Variants in PHF14 observed in about 807,000 individuals in gnomAD.
PHF14 encodes the protein PHD finger protein 14.
A neutral mutation model predicts 117.9 loss-of-function variants in PHF14; 55 were observed. That is an observed-to-expected ratio of 0.47 (90% CI 0.38 to 0.58). The LOEUF (loss-of-function observed/expected upper bound fraction) is 0.58, where lower values mean the gene tolerates loss of function less well. Among genes scored for constraint, PHF14 ranks in the 20% least tolerant of loss-of-function variants. The pLI is 0.00. For missense variants in PHF14, 978 were observed against 1,122.2 expected, an observed-to-expected ratio of 0.87 and a Z score of 1.84; for synonymous variants, 409 against 368.6, an observed-to-expected ratio of 1.11 and a Z score of -1.26.
chr7:11,072,246 T>C (rs1382551499), intron 16 of PHF14, among the ~76,000 whole-genome samples: 1 of 152,094 alleles, frequency 6.6e-6, no homozygotes, highest in East Asian at 1.9e-4. Flanking sequence ...GAGAGAGATG[T>C]GAGAGATGCT....
intron 4 of PHF14, among the ~76,000 whole-genome samples, chr7:11,003,848 T>C (rs1782969567): frequency 6.6e-6 from 1 of 152,254 alleles, no homozygotes; most frequent in East Asian, 1.9e-4. Context: ...CAATTTGGTA[T>C]GTATCTACCC....
At chr7:11,085,674 C>T (rs572877275) in intron 16 of PHF14, among the ~76,000 whole-genome samples, 9 of 152,022 alleles carry the variant, frequency 5.9e-5, no homozygotes, top group African/African-American at 2.2e-4. Context: ...GACAGTGTCT[C>T]ACTGTGTTAC....
chr7:11,049,720 T>C (rs1318224888), intron 13 of PHF14, among the ~76,000 whole-genome samples: 2 of 152,190 alleles, frequency 1.3e-5, no homozygotes, highest in Non-Finnish European at 2.9e-5. Context: ...GCTAATAAAG[T>C]CAGAATATAC....
intron 4 of PHF14, among the ~76,000 whole-genome samples, chr7:11,001,571 G>C (rs1034868699): frequency 5.7e-5 from 8 of 139,502 alleles, no homozygotes; most frequent in African/African-American, 2.2e-4. Flanking sequence ...TCTTTCATCA[G>C]AGTTTTGCAG....
At chr7:11,057,679 A>G (rs1216855413) in intron 14 of PHF14, among the ~76,000 whole-genome samples, 1 of 152,122 alleles carries the variant, frequency 6.6e-6, no homozygotes, top group Non-Finnish European at 1.5e-5. Flanking sequence ...CGGCCTGAAT[A>G]AACTATTTAA....
At chr7:10,996,565 C>T (rs1412106970) in intron 4 of PHF14, among the ~76,000 whole-genome samples, 1 of 151,898 alleles carries the variant, frequency 6.6e-6, no homozygotes, top group East Asian at 1.9e-4. Context: ...TTCAAGTACA[C>T]CACCAGGCAA....
At chr7:11,029,106 A>G (rs990699167) in intron 7 of PHF14, among the ~76,000 whole-genome samples, 3 of 151,830 alleles carry the variant, frequency 2.0e-5, no homozygotes, top group African/African-American at 4.8e-5. Context: ...AGCCCCATGA[A>G]TTATAGTTAA....
At chr7:11,134,134 T>C (rs1445903472) in intron 17 of PHF14, among the ~76,000 whole-genome samples, 1 of 151,954 alleles carries the variant, frequency 6.6e-6, no homozygotes, top group Non-Finnish European at 1.5e-5. Flanking sequence ...CATTAAAAGA[T>C]TTTTTTGGGC....
Position 10,982,812 on chromosome 7 carries a change from C to T in PHF14, c.553C>T (p.Leu185Phe). 1 of 1,613,918 alleles carries T rather than the reference C, an allele frequency of 6.2e-7. No homozygotes were observed. Among genetic ancestry groups the T allele is most frequent in the Non-Finnish European group, 8.5e-7 (1 of 1,179,888 alleles). ...AGTCAGCGAGCCAAAAAAATGGAAC[C>T]TTCGACGAAACCGACCACTTCTGGA... ...EQVSEPKKWN[L>F]RRNRPLLDFV... The change falls in exon 3 of 18, where the codon CTT becomes TTT. Residue 185 changes from leucine to phenylalanine, a missense_variant. Physicochemically the swap from Leu to Phe is conservative, Grantham distance 22. Around this residue, in one of 7 missense-constraint regions of PHF14, gnomAD observed 414 missense variants for 376.4 expected, o/e 1.10. Transcript: ENST00000634607.
At position 11,033,658 on chromosome 7, in the gene PHF14, G is replaced by A. The variant is rs1784207509; in HGVS notation, c.1456-1982G>A. Among the ~76,000 whole-genome samples, 6 of 152,258 alleles carry A rather than the reference G, an allele frequency of 3.9e-5. No homozygotes were observed. In the South Asian group the frequency reaches 1.2e-3, roughly 32 times the overall value. On this transcript the variant is annotated intron_variant, in intron 7 of 17. Coordinates refer to ENST00000634607, the MANE Select transcript of PHF14 (RefSeq NM_001007157.2). ...AGTTTCTGCCATAGTAAGTATTGGT[G>A]TTTTTCTTAAGTCAGAGTCTTGGTC...
At chr7:11,005,412 T>C (rs146688120) in intron 4 of PHF14, among the ~76,000 whole-genome samples, 86 of 152,354 alleles carry the variant, frequency 5.6e-4, no homozygotes, top group African/African-American at 1.9e-3. Flanking sequence ...CTGTTACTTA[T>C]TACATTGTCC....
intron 3 of PHF14, among the ~76,000 whole-genome samples, chr7:10,986,321 A>G (rs1175795125): frequency 1.3e-5 from 2 of 152,144 alleles, no homozygotes; most frequent in African/African-American, 4.8e-5. Context: ...ACAACCATTA[A>G]TATTTGTGTA....
intron 16 of PHF14, chr7:11,109,777 T>C (rs993612127): frequency 6.6e-6 from 1 of 151,966 alleles, no homozygotes; most frequent in Non-Finnish European, 1.5e-5. Context: ...AGATGTGTGA[T>C]ATTGTCATAG....
At chr7:11,148,946 A>G (rs1487283800) in intron 17 of PHF14, among the ~76,000 whole-genome samples, 1 of 152,214 alleles carries the variant, frequency 6.6e-6, no homozygotes, top group East Asian at 1.9e-4. Context: ...ACATTTTACT[A>G]GCATAATTTG....
At chr7:11,131,613 G>A (rs1276279172) in intron 17 of PHF14, among the ~76,000 whole-genome samples, 3 of 151,672 alleles carry the variant, frequency 2.0e-5, no homozygotes, top group Non-Finnish European at 4.4e-5. Context: ...ACTGTTTTTT[G>A]CAGAGTAGAA....
chr7:11,147,482 C>G (rs1421088711), intron 17 of PHF14, among the ~76,000 whole-genome samples: 1 of 152,144 alleles, frequency 6.6e-6, no homozygotes, highest in African/African-American at 2.4e-5. Context: ...CCCATTACTC[C>G]ACTACAATGA....
intron 17 of PHF14, among the ~76,000 whole-genome samples, chr7:11,150,839 A>T (rs1018862542): frequency 6.6e-6 from 1 of 152,198 alleles, no homozygotes; most frequent in Admixed American, 6.5e-5. Context: ...CAAAGTCTCA[A>T]ATGTCTACTG....
intron 16 of PHF14, chr7:11,106,849 C>T (rs1280861411): frequency 1.0e-6 from 1 of 983,930 alleles, no homozygotes; most frequent in Non-Finnish European, 1.2e-6. Flanking sequence ...ACATAATAGT[C>T]TATATTTTCA....
At chr7:11,137,274 A>T (rs1440899607) in intron 17 of PHF14, among the ~76,000 whole-genome samples, 1 of 152,182 alleles carries the variant, frequency 6.6e-6, no homozygotes, top group Non-Finnish European at 1.5e-5. Context: ...TCTTAAACTT[A>T]CTTTAGAAGA....
Sources: allele counts gnomAD v4.1 joint callset (sites outside exome capture counted in the v4.1 genomes callset), GRCh38; gene constraint gnomAD v4.1.1; regional missense constraint gnomAD v4.1.1; transcripts MANE v1.5; gene names NCBI Gene and HGNC (gene_info 2026-07-23, HGNC 2026-07-21).